The following UTP15 variants were observed in gnomAD, a reference collection of about 807,000 sequenced individuals.
The protein encoded by UTP15 is U3 small nucleolar RNA-associated protein 15 homolog.
A neutral mutation model predicts 59.1 loss-of-function variants in UTP15; 5 were observed. The ratio of observed to expected loss-of-function variants is 0.08; its 90% CI spans 0.04 to 0.18. The LOEUF is 0.18. UTP15 is among the 10% of genes least tolerant of loss of function. The pLI is 1.00. For missense variants in UTP15, 494 were observed against 616.7 expected (o/e 0.80, Z 2.11); for synonymous variants, 211 against 212.2 (o/e 0.99, Z 0.05).
At chr5:73,572,345 C>T in intron 6 of UTP15, 144 bp from the exon 7 acceptor site, 1 of 974,718 alleles carries the variant, frequency 1.0e-6, no homozygotes, top group Non-Finnish European at 1.5e-6. Flanking sequence ...GTGGTGCATC[C>T]AGGATTTTAC....
intron 6 of UTP15, 135 bp downstream of exon 6, chr5:73,570,846 G>A (rs573483345): frequency 8.1e-7 from 1 of 1,239,816 alleles, no homozygotes; most frequent in African/African-American, 1.5e-5. Flanking sequence ...TTGATAGGTA[G>A]GACTGGCAAG....
At position 73,582,322 on chromosome 5, in the gene UTP15, C is replaced by T. The variant is rs1204130313; in HGVS notation, c.*2228C>T. On this transcript the variant is annotated 3_prime_UTR_variant, in exon 13 of 13. Transcript: ENST00000296792. ...TGTAACAGTTAACACATTTTTCAAACAGGTTAGGAAGCAATTCCCATAGCC... is the reference window on the plus strand; with the variant it reads ...TGTAACAGTTAACACATTTTTCAAATAGGTTAGGAAGCAATTCCCATAGCC... The T allele has an allele frequency of 6.6e-6, 1 of 152,196 alleles. No homozygotes were observed. The highest frequency in any genetic ancestry group is 1.5e-5 in the Non-Finnish European group (1 of 68,036). 9.4% of individuals were successfully genotyped at this position (152,196 alleles called of 1,614,324 possible).
In UTP15 at chr5:73,579,926, T is replaced by C. The variant is rs1748246951; in HGVS notation, c.1389T>C (p.Phe463=). ...AGTCCCCTGTAGTTGATAAAAAGTT[T>C]TTACTACTTCAAGGACTTGTAGAAA... ...IGQSPVVDKK[F]LLLQGLVEKE... is the part of the protein sequence containing the mutation. Residue 463 remains phenylalanine (F), a synonymous_variant, in exon 13 of 13, where the codon TTT becomes TTC. Transcript: ENST00000296792. 6.2e-7 allele frequency: 1 copy of C among 1,613,598 alleles called. No individual in the cohort carries two copies. Among genetic ancestry groups the C allele is most frequent in the African/African-American group, 1.3e-5 (1 of 74,920 alleles).
Position 73,580,093 on chromosome 5 carries a change from A to G in UTP15, c.1556A>G (p.Ter519TrpextTer30). 1 of 1,611,910 alleles carries G rather than the reference A, an allele frequency of 6.2e-7. No homozygotes were observed. Among genetic ancestry groups the G allele is most frequent in the Non-Finnish European group, 8.5e-7 (1 of 1,178,588 alleles). Residue 519 changes from the stop codon to tryptophan (W), a stop_lost, in exon 13 of 13, where the codon TAG becomes TGG. Transcript: ENST00000296792. The stretch of plus-strand genomic sequence containing the variant: ...CCAGAGAATAAGAAGATAGAATCAT[A>G]GTGTCTGCTAAATAAGACATATAAG... ...GFPENKKIES[*>W]
intron 7 of UTP15, among the ~76,000 whole-genome samples, chr5:73,575,087 A>T (rs1198126317): frequency 6.6e-6 from 1 of 152,162 alleles, no homozygotes; most frequent in Admixed American, 6.5e-5. Context: ...ATATTTATGG[A>T]TATTTTCAAT....
At position 73,570,738 on chromosome 5, in the gene UTP15, A is replaced by G. The variant is rs111586910; in HGVS notation, c.673+27A>G. 2.0e-4 allele frequency: 324 copies of G among 1,606,334 alleles called. No homozygotes were observed. In the African/African-American group the frequency reaches 3.7e-3, roughly 18 times the overall value. ...TACTTCTTAAAAATAGCTTTCACCA[A>G]TATTGTTGGTTTTGAATCACGTTTG... On this transcript the variant is annotated intron_variant, in intron 6 of 12. Transcript: ENST00000296792.
At chr5:73,571,091 A>G (rs1343929738) in intron 6 of UTP15, among the ~76,000 whole-genome samples, 1 of 151,720 alleles carries the variant, frequency 6.6e-6, no homozygotes, top group Non-Finnish European at 1.5e-5. Flanking sequence ...GCCCTGTGCC[A>G]TCTTATTTAA....
Position 73,577,851 on chromosome 5 carries a change from A to G in UTP15, c.895-5A>G, listed in dbSNP as rs753208372. 1 of 1,575,212 alleles carries G rather than the reference A, an allele frequency of 6.3e-7. No homozygotes were observed. Among genetic ancestry groups the G allele is most frequent in the Middle Eastern group, 1.7e-4 (1 of 5,934 alleles). ...AGACTAACTTATTTTTCTAATTGTT[A>G]TTAGCATGAAGATGAGACAATAGTT... On this transcript the variant is annotated splice_region_variant and splice_polypyrimidine_tract_variant and intron_variant, in intron 8 of 12. Coordinates refer to ENST00000296792, the MANE Select transcript of UTP15 (RefSeq NM_032175.4).
chr5:73,568,343 A>C lies in UTP15; in HGVS notation c.183+16A>C. On this transcript the variant is annotated intron_variant, in intron 3 of 12. Transcript: ENST00000296792. The stretch of plus-strand genomic sequence containing the variant: ...TTCCTCAAGAGTAAGTATAATATTA[A>C]ATTTCTTTATTTTTCTTTTGTATAG... 1.3e-6 allele frequency: 2 copies of C among 1,586,150 alleles called. No individual in the cohort carries two copies. Among genetic ancestry groups the C allele is most frequent in the East Asian group, 2.2e-5 (1 of 44,614 alleles).
At chr5:73,577,316 C>A (rs896826654) in intron 8 of UTP15, among the ~76,000 whole-genome samples, 22 of 152,154 alleles carry the variant, frequency 1.4e-4, no homozygotes, top group African/African-American at 5.3e-4. Context: ...CTCTTCAACT[C>A]ATTTAACTCA....
intron 7 of UTP15, 135 bp downstream of exon 7, chr5:73,572,759 A>G (rs1025564186): frequency 5.6e-6 from 5 of 897,168 alleles, no homozygotes; most frequent in African/African-American, 5.1e-5. Flanking sequence ...TGTTGAGTTG[A>G]AAATAGTTTT....
chr5:73,578,937 A>ATAT, intron 10 of UTP15, 80 bp from the exon 11 acceptor site: 1 of 1,599,452 alleles, frequency 6.3e-7, no homozygotes, highest in Non-Finnish European at 8.6e-7. Flanking sequence ...AATATTATTC[A>ATAT]AACTTGATAA....
Position 73,580,951 on chromosome 5 carries a change from C to T in UTP15, c.*857C>T, listed in dbSNP as rs343118. ...TGATTTGTATTTAGATTCCTCCCCCCATTATTCACAATCATATTGTATTTC... is the reference window on the plus strand; with the variant it reads ...TGATTTGTATTTAGATTCCTCCCCCTATTATTCACAATCATATTGTATTTC... On this transcript the variant is annotated 3_prime_UTR_variant, in exon 13 of 13. Coordinates refer to ENST00000296792, the MANE Select transcript of UTP15 (RefSeq NM_032175.4). The T allele has an allele frequency of 6.6e-6, 1 of 151,944 alleles. No homozygotes were observed. Among genetic ancestry groups the T allele is most frequent in the Non-Finnish European group, 1.5e-5 (1 of 68,004 alleles). 9.4% of individuals were successfully genotyped at this position (151,944 alleles called of 1,614,324 possible).
At chr5:73,574,188 G>C (rs1488520688) in intron 7 of UTP15, among the ~76,000 whole-genome samples, 2 of 151,892 alleles carry the variant, frequency 1.3e-5, no homozygotes, top group African/African-American at 4.8e-5. Context: ...GCTGGCCACA[G>C]TGGTACACAC....
intron 6 of UTP15, among the ~76,000 whole-genome samples, chr5:73,571,276 T>A (rs374827314): frequency 3.3e-5 from 5 of 151,166 alleles, no homozygotes; most frequent in African/African-American, 1.2e-4. Context: ...AGTAGGCTTG[T>A]CTCTTTTTCT....
At chr5:73,565,987 T>G (rs1033064812) in intron 1 of UTP15, 75 bp downstream of exon 1, 2 of 424,900 alleles carry the variant, frequency 4.7e-6, no homozygotes, top group African/African-American at 2.0e-5. Context: ...GGCATGCTCT[T>G]CTGGGGCTTC....
chr5:73,580,035 A>C lies in UTP15; in HGVS notation c.1498A>C (p.Thr500Pro), dbSNP rs747107876. 6.2e-6 allele frequency: 10 copies of C among 1,613,916 alleles called. No individual in the cohort carries two copies. The highest frequency in any genetic ancestry group is 8.5e-6 in the Non-Finnish European group (10 of 1,179,836). Reference sequence around the variant, plus strand: ...TGCCACCATGAGAAGGAAGGAAGGCACTTCTGTGTTGGAACACACATCTGA... The same window carrying C: ...TGCCACCATGAGAAGGAAGGAAGGCCCTTCTGTGTTGGAACACACATCTGA... ...LFATMRRKEG[T>P]SVLEHTSDGF... Residue 500 changes from threonine to proline, a missense_variant, in exon 13 of 13, where the codon ACT becomes CCT. Thr to Pro is a conservative substitution (Grantham distance 38, BLOSUM62 -1). Coordinates refer to ENST00000296792, the MANE Select transcript of UTP15 (RefSeq NM_032175.4).
chr5:73,569,762 G>T (rs924483230), intron 5 of UTP15, 87 bp downstream of exon 5: 1 of 1,209,772 alleles, frequency 8.3e-7, no homozygotes, highest in South Asian at 2.0e-5. Flanking sequence ...GGATGGAGGG[G>T]TTTAAATTTT....
In UTP15 at chr5:73,582,699, T is replaced by C. The variant is rs1364887541; in HGVS notation, c.*2605T>C. ...CCACTGCGCCCAGCAGGAATGGTTA[T>C]TATATTCATTGAGATAAACTGTAGT... On this transcript the variant is annotated 3_prime_UTR_variant, in exon 13 of 13. Coordinates refer to ENST00000296792, the MANE Select transcript of UTP15 (RefSeq NM_032175.4). 6.6e-6 allele frequency: 1 copy of C among 152,252 alleles called. No individual in the cohort carries two copies. The highest frequency in any genetic ancestry group is 1.9e-4 in the East Asian group (1 of 5,202). The allele number at this position is 152,252 out of a possible 1,614,324, so 9.4% of individuals were successfully genotyped here. A position where few individuals can be genotyped will look rare whatever the true frequency, so the allele number is the denominator to read the frequency against.
Sources: allele counts gnomAD v4.1 joint callset (sites outside exome capture counted in the v4.1 genomes callset), GRCh38; gene constraint gnomAD v4.1.1; transcripts MANE v1.5; gene names NCBI Gene and HGNC (gene_info 2026-07-23, HGNC 2026-07-21).